The following GOLGB1 variants were observed in gnomAD, a reference collection of about 807,000 sequenced individuals.
GOLGB1 encodes the protein golgin subfamily B member 1.
A neutral mutation model predicts 336.9 loss-of-function variants in GOLGB1; 174 were observed. The ratio of observed to expected loss-of-function variants is 0.52; its 90% CI spans 0.46 to 0.59. The LOEUF (loss-of-function observed/expected upper bound fraction) is 0.59. Among genes scored for constraint, GOLGB1 ranks in the 20% least tolerant of loss-of-function variants. The probability of loss-of-function intolerance (pLI) is 0.00; values close to 1 mark genes in which losing one functional copy is unlikely to be tolerated. For missense variants in GOLGB1, 3,331 were observed against 3,645.3 expected (o/e 0.91, Z 2.22); for synonymous variants, 1,208 against 1,289.2 (o/e 0.94, Z 1.35).
intron 15 of GOLGB1, among the ~76,000 whole-genome samples, chr3:121,680,004 A>G (rs1264654398): frequency 2.0e-5 from 3 of 152,176 alleles, no homozygotes; most frequent in African/African-American, 7.2e-5. Context: ...GTGGAGGCTA[A>G]GCGGATAGCC....
chr3:121,703,384 T>C (rs936977272), intron 10 of GOLGB1, among the ~76,000 whole-genome samples: 18 of 152,320 alleles, frequency 1.2e-4, no homozygotes, highest in South Asian at 2.1e-4. Flanking sequence ...AAAATTCCAA[T>C]AGAATAGCCA....
In GOLGB1 at chr3:121,697,028, T is replaced by C; in HGVS notation, c.3495A>G (p.Pro1165=). 1 of 1,614,112 alleles carries C rather than the reference T, an allele frequency of 6.2e-7. No homozygotes were observed. ...GGGCCAGTATCTTTTCTTCTAGTTC[T>C]GGTTTCCAGTGTTCACTACTACCTG... is the stretch of plus-strand genomic sequence containing the variant. ...PCTGSSEHWK[P]ELEEKILALE... The change falls in exon 13 of 22, where the codon CCA becomes CCG. Residue 1165 remains proline, a synonymous_variant. Transcript: ENST00000614479.
In GOLGB1 at chr3:121,669,313, G is replaced by A. The variant is rs773109429; in HGVS notation, c.9220C>T (p.Leu3074Phe). The A allele has an allele frequency of 6.2e-7, 1 of 1,613,936 alleles. No individual in the cohort carries two copies. Among genetic ancestry groups the A allele is most frequent in the Non-Finnish European group, 8.5e-7 (1 of 1,179,796 alleles). The change falls in exon 18 of 22, where the codon CTC (leucine) becomes TTC (phenylalanine). Residue 3074 changes from leucine to phenylalanine, a missense_variant. By Grantham distance (22) the Leu-to-Phe change is conservative. Transcript: ENST00000614479. ...CGAAGACTCTGACTGGTATCGCAGA[G>A]CTGAATGGAAAGGGTGTTTTTCTCT... Reference protein sequence around the residue: ...LEEKNTLSIQLCDTSQSLREN... With the variant: ...LEEKNTLSIQFCDTSQSLREN...
chr3:121,738,963 T>C (rs1248026459), intron 1 of GOLGB1, among the ~76,000 whole-genome samples: 4 of 152,158 alleles, frequency 2.6e-5, no homozygotes, highest in Non-Finnish European at 4.4e-5. Context: ...TAAATTCATA[T>C]TAAAAATGAA....
In GOLGB1 at chr3:121,729,286, C is replaced by G; in HGVS notation, c.304G>C (p.Ala102Pro). Residue 102 changes from alanine to proline, a missense_variant, in exon 4 of 22, where the codon GCC (alanine) becomes CCC (proline). Ala to Pro is a conservative substitution (Grantham distance 27). Coordinates refer to ENST00000614479, the MANE Select transcript of GOLGB1 (RefSeq NM_001366282.2). ...TATTTATTCAAAGAAGTTAATTTGG[C>G]CTTCGCATGAAGTTTTAGTTTTTTA... ...KIKKLKLHAKAKLTSLNKYIE... is the reference protein window; with the variant it reads ...KIKKLKLHAKPKLTSLNKYIE... The G allele has an allele frequency of 6.2e-7, 1 of 1,612,628 alleles. No individual in the cohort carries two copies. Among genetic ancestry groups the G allele is most frequent in the Non-Finnish European group, 8.5e-7 (1 of 1,178,740 alleles).
rs1035893241 is a variant in GOLGB1 at position 121,702,783 on chromosome 3, G to T, written c.1405-188C>A. Among the ~76,000 whole-genome samples the T allele has an allele frequency of 7.2e-5, 11 of 152,118 alleles. No individual in the cohort carries two copies. The East Asian group carries it at 2.1e-3, about 29-fold the overall frequency. On this transcript the variant is annotated intron_variant, in intron 10 of 21. Coordinates refer to ENST00000614479, the MANE Select transcript of GOLGB1 (RefSeq NM_001366282.2). ...TGTTTTATCTAAAGATTTAGAAAAA[G>T]AAATAAAATATTTCACACAAATATC... is the stretch of plus-strand genomic sequence containing the variant.
chr3:121,721,717 G>C (rs1576427971), intron 6 of GOLGB1, among the ~76,000 whole-genome samples: 1 of 151,998 alleles, frequency 6.6e-6, no homozygotes, highest in Non-Finnish European at 1.5e-5. Flanking sequence ...AAATGGTCTG[G>C]TCTTGACAGA....
chr3:121,675,727 TACTTTTCTGTATGTTTTACTTC>T (rs1468870108), intron 17 of GOLGB1, among the ~76,000 whole-genome samples: 2 of 152,258 alleles, frequency 1.3e-5, no homozygotes, highest in Non-Finnish European at 2.9e-5. Context: ...ATGATTTGTT[TACTTTTCTGTATGTTTTACTTC>T]AATAAAACAT....
Position 121,664,603 on chromosome 3 carries a change from G to A in GOLGB1, c.9672C>T (p.Gly3224=), listed in dbSNP as rs562025619. 56 of 1,613,688 alleles carry A rather than the reference G, an allele frequency of 3.5e-5. No homozygotes were observed. The South Asian group carries it at 5.5e-4, about 16-fold the overall frequency. Residue 3224 remains glycine, a synonymous_variant, in exon 22 of 22, where the codon GGC becomes GGT. Transcript: ENST00000614479. Reference sequence around the variant, plus strand: ...AACGCAGGACTCGCTTCCATCCAACGCCACTCCGGGTCTGAAAGAAAAATG... The same window carrying A: ...AACGCAGGACTCGCTTCCATCCAACACCACTCCGGGTCTGAAAGAAAAATG... ...TSNSCRRTRS[G]VGWKRVLRSL...
At chr3:121,712,875 C>T (rs970274603) in intron 10 of GOLGB1, among the ~76,000 whole-genome samples, 7 of 152,090 alleles carry the variant, frequency 4.6e-5, no homozygotes, top group Non-Finnish European at 1.0e-4. Context: ...TAAAATAGTA[C>T]AACCACAGCC....
chr3:121,710,245 A>G (rs1944236214), intron 10 of GOLGB1, among the ~76,000 whole-genome samples: 1 of 152,136 alleles, frequency 6.6e-6, no homozygotes, highest in African/African-American at 2.4e-5. Flanking sequence ...ATTATTTTCA[A>G]AAACCGAAAT....
chr3:121,696,356 T>C lies in GOLGB1; in HGVS notation c.4167A>G (p.Leu1389=). 1 of 1,614,194 alleles carries C rather than the reference T, an allele frequency of 6.2e-7. No individual in the cohort carries two copies. Among genetic ancestry groups the C allele is most frequent in the Non-Finnish European group, 8.5e-7 (1 of 1,180,010 alleles). The change falls in exon 13 of 22, where the codon CTA becomes CTG. Residue 1389 remains leucine, a synonymous_variant. Transcript: ENST00000614479. ...LESSQLQIAG[L]EHLRELQPKL... ...TAGGTTGCAATTCTCTTAGATGTTC[T>C]AGGCCAGCAATTTGTAGTTGGCTGC... is the stretch of plus-strand genomic sequence containing the variant.
chr3:121,692,452 T>G lies in GOLGB1; in HGVS notation c.6912A>C (p.Leu2304=). ...CTAATTCATTCTGAGAACTGTGGTA[T>G]AGGTGGCGTGTCTCTTCTAGCTGGG... ...LLSQLEETRH[L]YHSSQNELAK... Residue 2304 remains leucine, a synonymous_variant, in exon 14 of 22, where the codon CTA becomes CTC. Coordinates refer to ENST00000614479, the MANE Select transcript of GOLGB1 (RefSeq NM_001366282.2). The G allele has an allele frequency of 6.2e-7, 1 of 1,614,056 alleles. No individual in the cohort carries two copies. The highest frequency in any genetic ancestry group is 8.5e-7 in the Non-Finnish European group (1 of 1,179,936).
rs1183247890 is a variant in GOLGB1 at position 121,730,872 on chromosome 3, T to C, written c.96+4A>G. On this transcript the variant is annotated splice_donor_region_variant and intron_variant, in intron 2 of 21. Transcript: ENST00000614479. The stretch of plus-strand genomic sequence containing the variant: ...CCAGTTTAAATCAGAACAGAACTAC[T>C]CACAGGGTCTAGGGGAGCCCTCATA... 6.2e-7 allele frequency: 1 copy of C among 1,609,212 alleles called. No homozygotes were observed. The highest frequency in any genetic ancestry group is 8.5e-7 in the Non-Finnish European group (1 of 1,177,770).
intron 1 of GOLGB1, among the ~76,000 whole-genome samples, chr3:121,742,784 C>T (rs1238525729): frequency 6.6e-6 from 1 of 152,074 alleles, no homozygotes; most frequent in Non-Finnish European, 1.5e-5. Flanking sequence ...AAAAAAATAA[C>T]ACCATCAAAA....
In GOLGB1 at chr3:121,689,521, CG is replaced by C. The variant is rs565377459; in HGVS notation, c.8694+1148del. On this transcript the variant is annotated intron_variant, in intron 14 of 21. Coordinates refer to ENST00000614479, the MANE Select transcript of GOLGB1 (RefSeq NM_001366282.2). ...CAGGGACACAAACACTGCGGAAGGC[CG>C]CAGGGTCCTCTGCCTAGGAAAACCA... is the stretch of plus-strand genomic sequence containing the variant. Among the ~76,000 whole-genome samples the C allele has an allele frequency of 4.0e-3, 605 of 151,638 alleles. 2 individuals carry two copies. The highest frequency in any genetic ancestry group is 6.8e-3 in the Non-Finnish European group (459 of 67,870).
At chr3:121,726,433 C>CAAAAAAAAAAAAAAAAAAAAAA (rs10547964) in intron 5 of GOLGB1, among the ~76,000 whole-genome samples, 1 of 61,452 alleles carries the variant, frequency 1.6e-5, no homozygotes, top group South Asian at 5.8e-4. Context: ...CACCCTGTCT[C>CAAAAAAAAAAAAAAAAAAAAAA]AAAAAAAAAA....
At chr3:121,678,581 T>G (rs539776080) in intron 15 of GOLGB1, among the ~76,000 whole-genome samples, 1 of 152,208 alleles carries the variant, frequency 6.6e-6, no homozygotes, top group East Asian at 1.9e-4. Context: ...ATTTTTTTTT[T>G]TTTTGAAACA....
Position 121,747,374 on chromosome 3 carries a change from T to C in GOLGB1, c.-3+2258A>G, listed in dbSNP as rs556038886. Among the ~76,000 whole-genome samples the C allele has an allele frequency of 1.2e-3, 159 of 136,280 alleles. 1 individual carries two copies. Among genetic ancestry groups the C allele is most frequent in the Middle Eastern group, 0.011 (3 of 262 alleles). The allele number at this position is 136,280 out of a possible 152,430, so 89.4% of individuals were successfully genotyped here. On this transcript the variant is annotated intron_variant, in intron 1 of 21. Coordinates refer to ENST00000614479, the MANE Select transcript of GOLGB1 (RefSeq NM_001366282.2). ...GTGTATATACGTATATATACGTATA[T>C]GTCTATATACGTATATATATACATA...
Sources: allele counts gnomAD v4.1 joint callset (sites outside exome capture counted in the v4.1 genomes callset), GRCh38; gene constraint gnomAD v4.1.1; transcripts MANE v1.5; gene names NCBI Gene and HGNC (gene_info 2026-07-23, HGNC 2026-07-21).